CHN1: variants seen among roughly 807,000 people sequenced by gnomAD.
The protein encoded by CHN1 is N-chimaerin.
Under a neutral mutation model 59.5 loss-of-function variants are expected in CHN1, and 37 were observed. The ratio of observed to expected loss-of-function variants is 0.62; its 90% CI spans 0.48 to 0.82. CHN1 has a LOEUF of 0.82. CHN1 is among the 40% of genes least tolerant of loss of function. The pLI, the probability that CHN1 is intolerant of heterozygous loss-of-function variation, is 0.00. For synonymous variants in CHN1, 206 were observed against 200.4 expected, an observed-to-expected ratio of 1.03 and a Z score of -0.24; for missense variants, 469 against 571.0, an observed-to-expected ratio of 0.82 and a Z score of 1.82.
chr2:174,948,298 A>G (rs76506779), intron 2 of CHN1, among the ~76,000 whole-genome samples: 4,141 of 152,270 alleles, frequency 0.027, 184 homozygotes, highest in African/African-American at 0.094. Context: ...GTCTAACATG[A>G]CAATAAAAGG....
At chr2:174,818,055 G>C (rs1250566771) in intron 8 of CHN1, among the ~76,000 whole-genome samples, 5 of 152,204 alleles carry the variant, frequency 3.3e-5, no homozygotes, top group African/African-American at 1.2e-4. Flanking sequence ...TTATAGGCGT[G>C]AGTTACCACA....
intron 1 of CHN1, among the ~76,000 whole-genome samples, chr2:174,999,150 T>C (rs1018865213): frequency 3.9e-5 from 6 of 152,124 alleles, no homozygotes; most frequent in African/African-American, 9.7e-5. Flanking sequence ...TTTTTAAGGA[T>C]AGTAGGATTA....
chr2:174,865,427 G>C (rs1330260717), intron 6 of CHN1, among the ~76,000 whole-genome samples: 1 of 152,154 alleles, frequency 6.6e-6, no homozygotes, highest in Non-Finnish European at 1.5e-5. Flanking sequence ...CCCAAAAATA[G>C]AGGATGCACT....
chr2:174,986,715 A>G (rs575199890), intron 1 of CHN1, among the ~76,000 whole-genome samples: 1 of 152,326 alleles, frequency 6.6e-6, no homozygotes, highest in Non-Finnish European at 1.5e-5. Flanking sequence ...TTTTCAATAA[A>G]TATCTTTTCC....
At chr2:174,981,017 A>G (rs535962783) in intron 1 of CHN1, among the ~76,000 whole-genome samples, 8 of 152,296 alleles carry the variant, frequency 5.3e-5, no homozygotes, top group Admixed American at 5.2e-4. Context: ...AAATTTCACC[A>G]AATTTTGCAC....
chr2:174,948,972 C>T (rs778004121), intron 2 of CHN1, among the ~76,000 whole-genome samples: 7 of 152,050 alleles, frequency 4.6e-5, no homozygotes, highest in Non-Finnish European at 8.8e-5. Context: ...TATATCTGGC[C>T]TAAGATTGTC....
chr2:174,999,961 C>T (rs114610249), intron 1 of CHN1, among the ~76,000 whole-genome samples: 3,340 of 152,224 alleles, frequency 0.022, 119 homozygotes, highest in African/African-American at 0.076. Flanking sequence ...ACAGATGTGA[C>T]TCAAAAGACT....
chr2:174,821,261 A>G (rs1397480183), intron 8 of CHN1, among the ~76,000 whole-genome samples: 4 of 152,148 alleles, frequency 2.6e-5, no homozygotes, highest in African/African-American at 9.7e-5. Context: ...TGCCTTTTCC[A>G]GTTTCCAAAG....
chr2:174,979,630 C>A (rs1390305945), intron 1 of CHN1, among the ~76,000 whole-genome samples: 2 of 152,164 alleles, frequency 1.3e-5, no homozygotes, highest in African/African-American at 4.8e-5. Context: ...CTGGCCAACA[C>A]GGTGAAACCC....
chr2:174,921,054 G>A, intron 3 of CHN1: 1 of 398,598 alleles, frequency 2.5e-6, no homozygotes, highest in Non-Finnish European at 5.4e-6. Context: ...TCTGAGAGGA[G>A]GCAGAGCTCA....
intron 4 of CHN1, among the ~76,000 whole-genome samples, chr2:174,916,593 C>T (rs1688855531): frequency 6.6e-6 from 1 of 152,150 alleles, no homozygotes. Flanking sequence ...TTACTAGGGG[C>T]AAGAGGAAAT....
At chr2:174,916,364 C>T (rs1437529333) in intron 4 of CHN1, among the ~76,000 whole-genome samples, 1 of 152,028 alleles carries the variant, frequency 6.6e-6, no homozygotes, top group African/African-American at 2.4e-5. Context: ...ATTTGTATAC[C>T]TTCTCTCCTG....
intron 7 of CHN1, among the ~76,000 whole-genome samples, chr2:174,832,202 G>C (rs1358142950): frequency 1.3e-5 from 2 of 152,026 alleles, no homozygotes; most frequent in Non-Finnish European, 2.9e-5. Context: ...AAAAAGATCT[G>C]ACTAAAATGC....
intron 7 of CHN1, chr2:174,837,362 T>C (rs1686122014): frequency 6.6e-6 from 1 of 152,192 alleles, no homozygotes; most frequent in African/African-American, 2.4e-5. Flanking sequence ...GAGAATATGA[T>C]ATTTTAGGCC....
intron 1 of CHN1, among the ~76,000 whole-genome samples, chr2:174,978,310 G>A (rs1691020887): frequency 6.6e-6 from 1 of 152,128 alleles, no homozygotes; most frequent in Non-Finnish European, 1.5e-5. Flanking sequence ...TAGACCAGCT[G>A]TCTTGTAGAA....
intron 1 of CHN1, among the ~76,000 whole-genome samples, chr2:174,965,741 A>G (rs750442368): frequency 1.9e-4 from 29 of 152,192 alleles, no homozygotes; most frequent in Non-Finnish European, 2.9e-4. Context: ...TACTGCTTTA[A>G]TCCAAAAATG....
chr2:174,898,410 G>A (rs1050484288), intron 5 of CHN1, among the ~76,000 whole-genome samples: 2 of 149,240 alleles, frequency 1.3e-5, no homozygotes, highest in African/African-American at 2.5e-5. Flanking sequence ...GACCATCCTG[G>A]CCAACATGGT....
Position 174,799,621 on chromosome 2 carries a change from T to C in CHN1, c.*495A>G, listed in dbSNP as rs1684649653. On this transcript the variant is annotated 3_prime_UTR_variant, in exon 13 of 13. Coordinates refer to ENST00000409900, the MANE Select transcript of CHN1 (RefSeq NM_001822.7). ...ACTAAGAGAAACCAGAAATCATTTG[T>C]AAAATGTAGGCATGTGATATGGTTT... 1 of 529,988 alleles carries C rather than the reference T, an allele frequency of 1.9e-6. No individual in the cohort carries two copies. The highest frequency in any genetic ancestry group is 1.9e-5 in the African/African-American group (1 of 53,648). 32.8% of individuals were successfully genotyped at this position (529,988 alleles called of 1,614,324 possible). A position where few individuals can be genotyped will look rare whatever the true frequency, so the allele number is the denominator to read the frequency against.
intron 7 of CHN1, among the ~76,000 whole-genome samples, chr2:174,830,862 G>A (rs1433502313): frequency 6.6e-6 from 1 of 152,200 alleles, no homozygotes; most frequent in East Asian, 1.9e-4. Context: ...AACCACACAA[G>A]TAGTTAACAC....
Sources: allele counts gnomAD v4.1 joint callset (sites outside exome capture counted in the v4.1 genomes callset), GRCh38; gene constraint gnomAD v4.1.1; transcripts MANE v1.5; gene names NCBI Gene and HGNC (gene_info 2026-07-23, HGNC 2026-07-21).